ADAMTS6: variants seen among roughly 807,000 people sequenced by gnomAD.
ADAMTS6 encodes the protein A disintegrin and metalloproteinase with thrombospondin motifs 6.
ADAMTS6 carries 23 observed loss-of-function variants against 144.3 expected under a neutral mutation model. The ratio of observed to expected loss-of-function variants is 0.16; its 90% CI spans 0.11 to 0.23. The LOEUF (loss-of-function observed/expected upper bound fraction) is 0.23, where lower values mean the gene tolerates loss of function less well. Among genes scored for constraint, ADAMTS6 ranks in the 10% least tolerant of loss-of-function variants. The pLI is 1.00. For synonymous variants in ADAMTS6, 444 were observed against 457.5 expected (o/e 0.97, Z 0.38); for missense variants, 999 against 1,379.6 (o/e 0.72, Z 4.37).
At chr5:65,257,013 T>G (rs1760737454) in intron 14 of ADAMTS6, among the ~76,000 whole-genome samples, 1 of 142,030 alleles carries the variant, frequency 7.0e-6, no homozygotes, top group South Asian at 2.3e-4. Flanking sequence ...TTTTTTTGCT[T>G]AAGACAAGTT....
intron 24 of ADAMTS6, among the ~76,000 whole-genome samples, chr5:65,152,767 C>T (rs1485453904): frequency 2.6e-5 from 4 of 152,180 alleles, no homozygotes; most frequent in African/African-American, 9.7e-5. Context: ...ATTCTCAGAA[C>T]TCCCCCTGGC....
At chr5:65,184,891 G>A (rs1412414203) in intron 22 of ADAMTS6, among the ~76,000 whole-genome samples, 3 of 151,966 alleles carry the variant, frequency 2.0e-5, no homozygotes, top group Non-Finnish European at 4.4e-5. Flanking sequence ...TACAGTAGCC[G>A]GCAGAGAAAA....
chr5:65,334,968 G>A (rs960378870), intron 7 of ADAMTS6, among the ~76,000 whole-genome samples: 1 of 152,076 alleles, frequency 6.6e-6, no homozygotes, highest in East Asian at 1.9e-4. Context: ...TGCTAGAAGC[G>A]AAAAGATTTC....
intron 15 of ADAMTS6, among the ~76,000 whole-genome samples, chr5:65,231,329 TC>T (rs1758228852): frequency 6.6e-6 from 1 of 152,046 alleles, no homozygotes; most frequent in Non-Finnish European, 1.5e-5. Context: ...ATTCATGAAT[TC>T]AGTACAATTT....
intron 7 of ADAMTS6, among the ~76,000 whole-genome samples, chr5:65,375,066 G>C (rs1412389784): frequency 6.6e-6 from 1 of 152,198 alleles, no homozygotes; most frequent in African/African-American, 2.4e-5. Context: ...TATGTAGAAA[G>C]CTGAAACTGG....
intron 7 of ADAMTS6, among the ~76,000 whole-genome samples, chr5:65,348,163 T>C (rs1301270081): frequency 2.0e-5 from 3 of 152,104 alleles, no homozygotes; most frequent in Non-Finnish European, 2.9e-5. Context: ...ATCCCATTTA[T>C]GAGTACATAT....
chr5:65,329,269 G>A, intron 9 of ADAMTS6, 109 bp downstream of exon 9: 1 of 906,116 alleles, frequency 1.1e-6, no homozygotes, highest in Non-Finnish European at 1.7e-6. Context: ...ATTGGAATCA[G>A]ACAAAAAGGT....
intron 7 of ADAMTS6, among the ~76,000 whole-genome samples, chr5:65,401,731 T>A (rs929492821): frequency 6.6e-6 from 1 of 152,198 alleles, no homozygotes; most frequent in Non-Finnish European, 1.5e-5. Flanking sequence ...GAGACACTGT[T>A]TGTCCTGTGA....
chr5:65,354,037 C>T (rs1252298801), intron 7 of ADAMTS6, among the ~76,000 whole-genome samples: 1 of 151,864 alleles, frequency 6.6e-6, no homozygotes, highest in Non-Finnish European at 1.5e-5. Context: ...CCCCATACCT[C>T]CTCTACCACC....
intron 7 of ADAMTS6, among the ~76,000 whole-genome samples, chr5:65,408,240 T>C (rs1383164799): frequency 6.6e-6 from 1 of 152,148 alleles, no homozygotes; most frequent in African/African-American, 2.4e-5. Flanking sequence ...CAGTGTGCTG[T>C]ATTCAGGAAA....
At chr5:65,187,803 T>A (rs879385827) in intron 22 of ADAMTS6, among the ~76,000 whole-genome samples, 1 of 152,182 alleles carries the variant, frequency 6.6e-6, no homozygotes, top group Non-Finnish European at 1.5e-5. Context: ...TTATTTTTAA[T>A]CAAATTGATG....
intron 7 of ADAMTS6, among the ~76,000 whole-genome samples, chr5:65,366,911 C>T (rs1170203511): frequency 1.3e-5 from 2 of 152,088 alleles, no homozygotes; most frequent in Non-Finnish European, 1.5e-5. Context: ...ATCCAAGAGG[C>T]AAGGAGGCAT....
chr5:65,377,480 C>A (rs552434268), intron 7 of ADAMTS6, among the ~76,000 whole-genome samples: 1 of 152,322 alleles, frequency 6.6e-6, no homozygotes, highest in Middle Eastern at 3.4e-3. Context: ...CTCCAATGAG[C>A]TATCCCTGCA....
chr5:65,432,865 C>T (rs1757099788), intron 7 of ADAMTS6, among the ~76,000 whole-genome samples: 1 of 152,070 alleles, frequency 6.6e-6, no homozygotes. Flanking sequence ...TTACTTCATA[C>T]TGGTACCTAG....
chr5:65,344,192 GA>G (rs1187183001), intron 7 of ADAMTS6, among the ~76,000 whole-genome samples: 2 of 151,890 alleles, frequency 1.3e-5, no homozygotes, highest in Non-Finnish European at 2.9e-5. Flanking sequence ...AAAAGCCTAT[GA>G]ATAGAGAGTT....
chr5:65,321,778 C>T (rs1301912274), intron 9 of ADAMTS6, among the ~76,000 whole-genome samples: 10 of 135,822 alleles, frequency 7.4e-5, no homozygotes, highest in South Asian at 4.9e-4. Flanking sequence ...TGCAATGGCA[C>T]GATCTCAGCT....
intron 7 of ADAMTS6, among the ~76,000 whole-genome samples, chr5:65,379,698 T>G (rs1375435552): frequency 1.3e-5 from 2 of 152,100 alleles, no homozygotes; most frequent in Non-Finnish European, 2.9e-5. Flanking sequence ...TGCACACACA[T>G]GTACATAACT....
chr5:65,350,992 C>T (rs1748800781), intron 7 of ADAMTS6, among the ~76,000 whole-genome samples: 2 of 151,780 alleles, frequency 1.3e-5, no homozygotes, highest in African/African-American at 2.4e-5. Context: ...GGACTTTATG[C>T]TATTTTCCCT....
At chr5:65,209,664 C>T (rs1756360659) in intron 20 of ADAMTS6, among the ~76,000 whole-genome samples, 1 of 152,144 alleles carries the variant, frequency 6.6e-6, no homozygotes, top group African/African-American at 2.4e-5. Flanking sequence ...TCAATTAAAG[C>T]CCAAAGGTCT....
Sources: gnomAD v4.1 joint callset for allele counts (sites outside exome capture counted in the v4.1 genomes callset) on GRCh38, gnomAD v4.1.1 for gene constraint, MANE v1.5 for transcripts, NCBI Gene and HGNC (gene_info 2026-07-23, HGNC 2026-07-21) for gene names.